The following ATAD5 variants were observed in gnomAD, a reference collection of about 807,000 sequenced individuals.
ATAD5 encodes ATPase family AAA domain containing 5, also known as ATPase family AAA domain-containing protein 5.
A neutral mutation model predicts 176.9 loss-of-function variants in ATAD5; 58 were observed. That is an observed-to-expected ratio of 0.33 (90% confidence interval 0.27 to 0.41). The LOEUF (loss-of-function observed/expected upper bound fraction) is 0.41. ATAD5 is among the 10% of genes least tolerant of loss of function. The pLI is 1.00. For synonymous variants in ATAD5, 640 were observed against 712.6 expected, an observed-to-expected ratio of 0.90 and a Z score of 1.62; for missense variants, 1,789 against 2,094.1, an observed-to-expected ratio of 0.85 and a Z score of 2.84.
Position 30,885,623 on chromosome 17 carries a change from C to CTT in ATAD5, c.4078-1546_4078-1545dup, listed in dbSNP as rs778733612. Among the ~76,000 whole-genome samples, 278 of 93,758 alleles carry CTT rather than the reference C, an allele frequency of 3.0e-3. 13 individuals carry two copies. Among genetic ancestry groups the CTT allele is most frequent in the African/African-American group, 4.0e-3 (100 of 25,064 alleles). The allele number at this position is 93,758 out of a possible 152,430, so 61.5% of individuals were successfully genotyped here. ...AGGAAATTTCTTTTATTCCAACTTT[C>CTT]TTTTTTTTTTTTTTTTTTTTTTTTG... On this transcript the variant is annotated intron_variant, in intron 18 of 22. Coordinates refer to ENST00000321990, the MANE Select transcript of ATAD5 (RefSeq NM_024857.5).
chr17:30,849,091 G>A (rs950780778), intron 6 of ATAD5, among the ~76,000 whole-genome samples: 1 of 151,960 alleles, frequency 6.6e-6, no homozygotes, highest in Admixed American at 6.6e-5. Context: ...GACTGATTTC[G>A]AATTCCTGAC....
In ATAD5 at chr17:30,835,015, G is replaced by A. The variant is rs775508313; in HGVS notation, c.934G>A (p.Glu312Lys). The A allele has an allele frequency of 1.7e-5, 27 of 1,613,800 alleles. No individual in the cohort carries two copies. Among genetic ancestry groups the A allele is most frequent in the Non-Finnish European group, 1.4e-5 (17 of 1,179,968 alleles). ...SGYISESENS[E>K]ISQQVRFKTV... ...TTATATAAGTGAATCAGAAAACTCC[G>A]AAATTTCCCAGCAGGTACGCTTTAA... Residue 312 changes from glutamate to lysine, a missense_variant, in exon 2 of 23, where the codon GAA (glutamate) becomes AAA (lysine). Around this residue, in one of 6 missense-constraint regions of ATAD5, gnomAD observed 696 missense variants for 712.5 expected, o/e 0.98. Transcript: ENST00000321990.
intron 18 of ATAD5, among the ~76,000 whole-genome samples, chr17:30,880,037 C>T (rs1908918673): frequency 6.6e-6 from 1 of 152,004 alleles, no homozygotes; most frequent in Admixed American, 6.6e-5. Context: ...CACAGTTGCT[C>T]ATGCCTGTAA....
At chr17:30,844,794 T>TGGTAAACA in intron 5 of ATAD5, 41 bp from the exon 6 acceptor site, 1 of 1,117,846 alleles carries the variant, frequency 8.9e-7, no homozygotes, top group Non-Finnish European at 1.3e-6. Flanking sequence ...AAGGTGGAGA[T>TGGTAAACA]GGTAAACATT....
chr17:30,844,761 A>C, intron 5 of ATAD5, 74 bp from the exon 6 acceptor site: 1 of 930,628 alleles, frequency 1.1e-6, no homozygotes, highest in African/African-American at 1.7e-5. Flanking sequence ...AAAAAAAAAA[A>C]AAAAAAAAAA....
Position 30,879,399 on chromosome 17 carries a change from TTTTG to T in ATAD5, c.4013-22_4013-19del. 5.0e-6 allele frequency: 8 copies of T among 1,594,904 alleles called. No homozygotes were observed. The highest frequency in any genetic ancestry group is 1.8e-5 in the Admixed American group (1 of 56,128). On this transcript the variant is annotated intron_variant, in intron 17 of 22. Coordinates refer to ENST00000321990, the MANE Select transcript of ATAD5 (RefSeq NM_024857.5). ...GTCTTAGTGTTTAAGAATTTTTTTT[TTTTG>T]TGTGTGTGTGTGTGTGTAGACCCAA...
intron 11 of ATAD5, 101 bp downstream of exon 11, chr17:30,865,901 A>G: frequency 1.6e-6 from 1 of 620,452 alleles, no homozygotes. Flanking sequence ...TCATGATAAA[A>G]TCTTCAAAAA....
At chr17:30,876,353 G>C (rs1475387745) in intron 14 of ATAD5, 21 bp from the exon 15 acceptor site, 8 of 1,562,668 alleles carry the variant, frequency 5.1e-6, no homozygotes, top group Non-Finnish European at 6.0e-6. Context: ...TTATCTTTAA[G>C]TGCAATTTGT....
intron 18 of ATAD5, among the ~76,000 whole-genome samples, chr17:30,881,692 C>A (rs542939179): frequency 1.3e-4 from 20 of 152,100 alleles, no homozygotes; most frequent in Middle Eastern, 3.4e-3. Flanking sequence ...GCAGGCGGAT[C>A]ACTTGAGTCC....
In ATAD5 at chr17:30,835,789, A is replaced by ATT; in HGVS notation, c.1708_1709insTT (p.Lys570IlefsTer18). The ATT allele has an allele frequency of 6.2e-7, 1 of 1,613,550 alleles. No homozygotes were observed. Among genetic ancestry groups the ATT allele is most frequent in the African/African-American group, 1.3e-5 (1 of 75,016 alleles). On this transcript the variant is annotated frameshift_variant, in exon 2 of 23. Coordinates refer to ENST00000321990, the MANE Select transcript of ATAD5 (RefSeq NM_024857.5). LOFTEE classifies it high-confidence loss of function. ...GTCAAGAAAAACCAGCATACCAGTTAAAGATATTAAGCTTACACAGTCTAA... is the reference window on the plus strand; with the variant it reads ...GTCAAGAAAAACCAGCATACCAGTTATTAAGATATTAAGCTTACACAGTCTAA...
At chr17:30,832,801 A>G in intron 1 of ATAD5, among the ~76,000 whole-genome samples, 1 of 152,158 alleles carries the variant, frequency 6.6e-6, no homozygotes. Context: ...CTTTAAGTTA[A>G]ACTAGTTCAT....
chr17:30,872,130 G>C (rs994835256), intron 14 of ATAD5, among the ~76,000 whole-genome samples: 2 of 152,096 alleles, frequency 1.3e-5, no homozygotes, highest in African/African-American at 2.4e-5. Context: ...TGTCAGGCTA[G>C]TCTCAAACTC....
chr17:30,892,715 G>C lies in ATAD5; in HGVS notation c.4367G>C (p.Ser1456Thr). 1 of 1,599,756 alleles carries C rather than the reference G, an allele frequency of 6.3e-7. No individual in the cohort carries two copies. The highest frequency in any genetic ancestry group is 8.5e-7 in the Non-Finnish European group (1 of 1,173,702). Residue 1456 changes from serine (S) to threonine (T), a missense_variant, in exon 20 of 23, where the codon AGT (serine) becomes ACT (threonine). This residue lies in a region of ATAD5 where 403 missense variants were observed against 495.1 expected (regional missense o/e 0.81). Coordinates refer to ENST00000321990, the MANE Select transcript of ATAD5 (RefSeq NM_024857.5). Reference protein sequence around the residue: ...KKRVDLPKCDSGCAETLFGLK... With the variant: ...KKRVDLPKCDTGCAETLFGLK... ...CGTGTAGACCTTCCAAAATGTGACA[G>C]TGGCTGTGCTGAGACCTTGTTTGGC...
chr17:30,858,028 GC>G (rs1265176254), intron 8 of ATAD5, 132 bp from the exon 9 acceptor site: 1 of 729,718 alleles, frequency 1.4e-6, no homozygotes, highest in African/African-American at 1.8e-5. Context: ...ATAGGCGTGA[GC>G]CACCACGCCC....
chr17:30,890,423 T>TC (rs67199591), intron 19 of ATAD5, among the ~76,000 whole-genome samples: 2 of 114,996 alleles, frequency 1.7e-5, no homozygotes, highest in Non-Finnish European at 3.9e-5. Flanking sequence ...CTTTTCTTTT[T>TC]TTTTTTTTTT....
intron 19 of ATAD5, among the ~76,000 whole-genome samples, chr17:30,890,422 T>C (rs1360193222): frequency 1.4e-5 from 2 of 137,984 alleles, no homozygotes; most frequent in East Asian, 2.1e-4. Context: ...TCTTTTCTTT[T>C]TTTTTTTTTT....
intron 18 of ATAD5, among the ~76,000 whole-genome samples, chr17:30,885,623 C>CT (rs778733612): frequency 0.14 from 13,417 of 93,474 alleles, 991 homozygotes; most frequent in Middle Eastern, 0.16. Context: ...TTCCAACTTT[C>CT]TTTTTTTTTT....
rs950405132 is a variant in ATAD5 at position 30,834,016 on chromosome 17, T to G, written c.67-132T>G. The G allele has an allele frequency of 1.7e-5, 13 of 751,934 alleles. No individual in the cohort carries two copies. The African/African-American group carries it at 2.2e-4, about 13-fold the overall frequency. 46.6% of individuals were successfully genotyped at this position (751,934 alleles called of 1,614,324 possible). On this transcript the variant is annotated intron_variant, in intron 1 of 22. Transcript: ENST00000321990. ...TTTAAAGCCTATTTTCTTTCTAATA[T>G]ATCACGTTTTTCACCTAAAGGAGGC...
intron 19 of ATAD5, 143 bp from the exon 20 acceptor site, chr17:30,892,464 C>A: frequency 1.0e-5 from 4 of 382,688 alleles, no homozygotes; most frequent in East Asian, 4.0e-5. Flanking sequence ...TTATATTGTA[C>A]TCTTAATGAA....
Sources: allele counts gnomAD v4.1 joint callset (sites outside exome capture counted in the v4.1 genomes callset), GRCh38; gene constraint gnomAD v4.1.1; regional missense constraint gnomAD v4.1.1; transcripts MANE v1.5; gene names NCBI Gene and HGNC (gene_info 2026-07-23, HGNC 2026-07-21).